The following RALGAPA1 variants were observed in gnomAD, a reference collection of about 807,000 sequenced individuals.
RALGAPA1 encodes ral GTPase-activating protein subunit alpha-1.
In RALGAPA1, 52 loss-of-function variants were observed where a neutral mutation model predicts 269.6. The observed-to-expected ratio is 0.19, with a 90% CI of 0.15 to 0.24. RALGAPA1 has a LOEUF of 0.24. Ranked by LOEUF, RALGAPA1 falls within the 10% of genes least tolerant of loss-of-function variation. The pLI is 1.00. For synonymous variants in RALGAPA1, 817 were observed against 1,008.3 expected (o/e 0.81, Z 3.60); for missense variants, 1,917 against 3,013.9 (o/e 0.64, Z 8.52).
chr14:35,744,247 T>A (rs2071834598), intron 10 of RALGAPA1, among the ~76,000 whole-genome samples: 1 of 151,952 alleles, frequency 6.6e-6, no homozygotes, highest in South Asian at 2.1e-4. Context: ...GGCGCATGCC[T>A]GTAATACCAG....
chr14:35,688,826 G>A lies in RALGAPA1; in HGVS notation c.3585C>T (p.Asn1195=), dbSNP rs2066211590. The A allele has an allele frequency of 7.4e-7, 1 of 1,356,956 alleles. No homozygotes were observed. The highest frequency in any genetic ancestry group is 1.5e-5 in the African/African-American group (1 of 68,664). The allele number at this position is 1,356,956 out of a possible 1,614,324, so 84.1% of individuals were successfully genotyped here. A position where few individuals can be genotyped will look rare whatever the true frequency, so the allele number is the denominator to read the frequency against. Residue 1195 remains asparagine, a synonymous_variant, in exon 18 of 42, where the codon AAC becomes AAT. Transcript: ENST00000680220. ...SSGSSNSSTS[N]THTSTNSATE... is the part of the protein sequence containing the mutation. ...TAGCACTATTTGTGCTGGTATGGGT[G>A]TTGCTAGTGCTGCTATTGCTGCTAC...
At chr14:35,727,310 CATAT>C (rs34288628) in intron 13 of RALGAPA1, among the ~76,000 whole-genome samples, 26,620 of 104,050 alleles carry the variant, frequency 0.26, 3,205 homozygotes, top group Middle Eastern at 0.32. Context: ...AAAATTATGG[CATAT>C]ATATATATAT....
chr14:35,587,968 G>A (rs1321299242), intron 37 of RALGAPA1, among the ~76,000 whole-genome samples: 2 of 152,174 alleles, frequency 1.3e-5, no homozygotes, highest in South Asian at 2.1e-4. Context: ...GTGCAGTGGT[G>A]TGATCTCAGC....
At chr14:35,697,331 T>C (rs1252192315) in intron 17 of RALGAPA1, among the ~76,000 whole-genome samples, 1 of 147,918 alleles carries the variant, frequency 6.8e-6, no homozygotes, top group Admixed American at 6.7e-5. Flanking sequence ...ATAAACAGTG[T>C]TTTTTTTTGT....
intron 1 of RALGAPA1, among the ~76,000 whole-genome samples, chr14:35,807,184 C>G (rs1472198923): frequency 6.6e-6 from 1 of 152,186 alleles, no homozygotes; most frequent in African/African-American, 2.4e-5. Flanking sequence ...CAGCTTATCC[C>G]AAGTAGGTGT....
Position 35,629,628 on chromosome 14 carries a change from C to G in RALGAPA1, c.5996-1677G>C, listed in dbSNP as rs76175555. Among the ~76,000 whole-genome samples the G allele has an allele frequency of 1.9e-3, 294 of 152,220 alleles. 1 individual carries two copies. The highest frequency in any genetic ancestry group is 6.8e-3 in the African/African-American group (282 of 41,524). ...AAGCGATTCTCCTGCCTCAGCCTCC[C>G]AAACAGCTGGGGACTACAGGCGCGC... On this transcript the variant is annotated intron_variant, in intron 33 of 41. Coordinates refer to ENST00000680220, the MANE Select transcript of RALGAPA1 (RefSeq NM_001346249.2).
rs199964442 is a variant in RALGAPA1 at position 35,634,685 on chromosome 14, A to C, written c.5884T>G (p.Leu1962Val). Reference protein sequence around the residue: ...PRYFPMSLSDLASVDYDPFMH... With the variant: ...PRYFPMSLSDVASVDYDPFMH... ...AAAGGATCATAATCTACAGATGCCA[A>C]ATCAGAGAGGCTCATGGGAAAATAC... Residue 1962 changes from leucine (L) to valine (V), a missense_variant, in exon 33 of 42, where the codon TTG (leucine) becomes GTG (valine). By Grantham distance (32) the Leu-to-Val change is conservative. This residue lies in a region of RALGAPA1 where 346 missense variants were observed against 566.1 expected (regional missense o/e 0.61). Coordinates refer to ENST00000680220, the MANE Select transcript of RALGAPA1 (RefSeq NM_001346249.2). 6.2e-7 allele frequency: 1 copy of C among 1,613,720 alleles called. No homozygotes were observed. Among genetic ancestry groups the C allele is most frequent in the Non-Finnish European group, 8.5e-7 (1 of 1,179,712 alleles).
At chr14:35,684,902 T>G in intron 20 of RALGAPA1, 27 bp downstream of exon 20, 1 of 1,598,872 alleles carries the variant, frequency 6.3e-7, no homozygotes, top group Non-Finnish European at 8.5e-7. Flanking sequence ...ACATAAAACA[T>G]AGTATTCAAA....
At position 35,738,075 on chromosome 14, in the gene RALGAPA1, C is replaced by T. The variant is rs542243411; in HGVS notation, c.1587+438G>A. On this transcript the variant is annotated intron_variant, in intron 12 of 41. Coordinates refer to ENST00000680220, the MANE Select transcript of RALGAPA1 (RefSeq NM_001346249.2). ...TGCACTCCAGCCTGGGCAACAAGAG[C>T]GAAAACTCCATCTCAAAAAAAAAAA... Among the ~76,000 whole-genome samples, 118 of 144,496 alleles carry T rather than the reference C, an allele frequency of 8.2e-4. 1 individual carries two copies. In the South Asian group the frequency reaches 0.016, roughly 20 times the overall value. The allele number at this position is 144,496 out of a possible 152,430, so 94.8% of individuals were successfully genotyped here.
chr14:35,664,857 G>A (rs188038157), intron 26 of RALGAPA1, 90 bp from the exon 27 acceptor site: 71 of 1,171,720 alleles, frequency 6.1e-5, no homozygotes, highest in Non-Finnish European at 8.5e-5. Flanking sequence ...ACATTAGACA[G>A]GGAAGTGATA....
chr14:35,705,138 G>A (rs1458158061), intron 16 of RALGAPA1, among the ~76,000 whole-genome samples: 1 of 151,970 alleles, frequency 6.6e-6, no homozygotes, highest in Non-Finnish European at 1.5e-5. Context: ...TGGTACATTT[G>A]CTACAATTAA....
At chr14:35,564,153 G>C (rs1044989212) in intron 39 of RALGAPA1, among the ~76,000 whole-genome samples, 4 of 152,130 alleles carry the variant, frequency 2.6e-5, no homozygotes, top group African/African-American at 9.7e-5. Flanking sequence ...AGGTTACCTA[G>C]TGCTTCATGT....
intron 37 of RALGAPA1, among the ~76,000 whole-genome samples, chr14:35,584,577 T>C (rs886994673): frequency 6.6e-6 from 1 of 152,180 alleles, no homozygotes; most frequent in Non-Finnish European, 1.5e-5. Context: ...TATAGTGTAA[T>C]TTGAAAGTGG....
intron 30 of RALGAPA1, among the ~76,000 whole-genome samples, chr14:35,652,364 T>TTATATATATATATATATATA (rs10645179): frequency 6.1e-4 from 90 of 147,938 alleles, no homozygotes; most frequent in African/African-American, 2.1e-3. Context: ...GGCCTTTTGT[T>TTATATATATATATATATATA]TATATATATA....
At chr14:35,767,275 T>G (rs2074234475) in intron 4 of RALGAPA1, among the ~76,000 whole-genome samples, 1 of 152,170 alleles carries the variant, frequency 6.6e-6, no homozygotes, top group Non-Finnish European at 1.5e-5. Context: ...ATATACAACA[T>G]GCTAAAATTT....
chr14:35,757,975 G>A (rs1007320223), intron 6 of RALGAPA1, among the ~76,000 whole-genome samples: 12 of 152,016 alleles, frequency 7.9e-5, no homozygotes, highest in African/African-American at 2.7e-4. Context: ...TAGGCTGGGC[G>A]CAGTGGCTCA....
At chr14:35,732,438 T>A (rs1158704066) in intron 12 of RALGAPA1, among the ~76,000 whole-genome samples, 1 of 151,610 alleles carries the variant, frequency 6.6e-6, no homozygotes, top group African/African-American at 2.4e-5. Context: ...ATGGTCTAAA[T>A]GCTCCACTTA....
At chr14:35,618,584 A>G (rs1482186258) in intron 35 of RALGAPA1, among the ~76,000 whole-genome samples, 5 of 152,120 alleles carry the variant, frequency 3.3e-5, no homozygotes, top group Non-Finnish European at 7.4e-5. Context: ...CTATACTATT[A>G]AACACTATCC....
At chr14:35,807,937 T>G (rs1032365334) in intron 1 of RALGAPA1, 3 of 152,174 alleles carry the variant, frequency 2.0e-5, no homozygotes, top group Non-Finnish European at 2.9e-5. Context: ...CCTTTTCATC[T>G]CAAATGTCTT....
Sources: gnomAD v4.1 joint callset for allele counts (sites outside exome capture counted in the v4.1 genomes callset) on GRCh38, gnomAD v4.1.1 for gene constraint, gnomAD v4.1.1 regional missense constraint, MANE v1.5 for transcripts, NCBI Gene and HGNC (gene_info 2026-07-23, HGNC 2026-07-21) for gene names.